Variants in CD86 observed in about 807,000 individuals in gnomAD.
CD86 encodes the protein T-lymphocyte activation antigen CD86.
CD86 carries 11 observed loss-of-function variants against 32.1 expected under a neutral mutation model. The ratio of observed to expected loss-of-function variants is 0.34; its 90% CI spans 0.22 to 0.57. CD86 has a LOEUF of 0.57. Ranked by LOEUF, CD86 falls within the 20% of genes least tolerant of loss-of-function variation. CD86 has a pLI of 0.86. For synonymous variants in CD86, 137 were observed against 135.3 expected (o/e 1.01, Z -0.09); for missense variants, 359 against 398.4 (o/e 0.90, Z 0.84).
chr3:122,118,622 T>C (rs1339840172), intron 6 of CD86, among the ~76,000 whole-genome samples: 2 of 152,232 alleles, frequency 1.3e-5, no homozygotes, highest in African/African-American at 4.8e-5. Flanking sequence ...TGTTACAGTG[T>C]CATGTGGATC....
At chr3:122,081,617 G>GTTT (rs1382458947) in intron 1 of CD86, among the ~76,000 whole-genome samples, 1 of 152,236 alleles carries the variant, frequency 6.6e-6, no homozygotes. Flanking sequence ...GGAAGACAGC[G>GTTT]TTTCTCAGAG....
rs113272437 is a variant in CD86 at position 122,064,082 on chromosome 3, G to A, written c.14+8579G>A. Among the ~76,000 whole-genome samples the A allele has an allele frequency of 2.5e-3, 381 of 152,066 alleles. 2 individuals carry two copies. The highest frequency in any genetic ancestry group is 8.7e-3 in the African/African-American group (361 of 41,482). On this transcript the variant is annotated intron_variant, in intron 1 of 6. Transcript: ENST00000330540. ...AGCCAAACAAGAGAGAAAGGGGAAG[G>A]GAAAGTGTCTTTTCACAGGCAGCTT...
chr3:122,062,364 C>T (rs2072351253), intron 1 of CD86, among the ~76,000 whole-genome samples: 1 of 152,174 alleles, frequency 6.6e-6, no homozygotes, highest in Admixed American at 6.5e-5. Context: ...ATTCTGGGCA[C>T]TGCCAATTTC....
intron 1 of CD86, among the ~76,000 whole-genome samples, chr3:122,079,536 A>G (rs1378825844): frequency 1.3e-5 from 2 of 152,218 alleles, no homozygotes; most frequent in African/African-American, 2.4e-5. Flanking sequence ...ATTTTTCCAC[A>G]GTCCATTCTA....
At chr3:122,110,602 A>G (rs931754565) in intron 5 of CD86, among the ~76,000 whole-genome samples, 2 of 152,242 alleles carry the variant, frequency 1.3e-5, no homozygotes, top group African/African-American at 4.8e-5. Context: ...GTACTTTAAA[A>G]ATAAGAAATT....
At chr3:122,087,373 C>T (rs2072740715) in intron 1 of CD86, among the ~76,000 whole-genome samples, 1 of 152,138 alleles carries the variant, frequency 6.6e-6, no homozygotes, top group South Asian at 2.1e-4. Context: ...ACTTTACAGG[C>T]CCACTGGAGA....
At chr3:122,081,204 C>A (rs753135737) in intron 1 of CD86, among the ~76,000 whole-genome samples, 6 of 152,186 alleles carry the variant, frequency 3.9e-5, no homozygotes, top group Admixed American at 3.9e-4. Context: ...CAAAGACAAC[C>A]TCTGCTGCAG....
At chr3:122,092,880 C>T (rs150122124) in intron 2 of CD86, among the ~76,000 whole-genome samples, 1,970 of 152,312 alleles carry the variant, frequency 0.013, 77 homozygotes, top group Admixed American at 0.066. Flanking sequence ...GAGATGGTCC[C>T]TCAGATCCAT....
At chr3:122,085,291 CCTT>C (rs918395239) in intron 1 of CD86, among the ~76,000 whole-genome samples, 6 of 152,250 alleles carry the variant, frequency 3.9e-5, no homozygotes, top group African/African-American at 1.4e-4. Context: ...TTCCCAGTAA[CCTT>C]CTTATTTTGT....
At chr3:122,100,334 T>C (rs1397267111) in intron 2 of CD86, among the ~76,000 whole-genome samples, 1 of 152,144 alleles carries the variant, frequency 6.6e-6, no homozygotes, top group Non-Finnish European at 1.5e-5. Flanking sequence ...AAACAGTAGC[T>C]GGGGCTGGAG....
At chr3:122,109,968 T>TA (rs1400822710) in intron 5 of CD86, among the ~76,000 whole-genome samples, 2 of 152,190 alleles carry the variant, frequency 1.3e-5, no homozygotes, top group Non-Finnish European at 2.9e-5. Context: ...ACTCCACTAA[T>TA]AAGAAAAAAT....
At chr3:122,087,091 C>T (rs1045623629) in intron 1 of CD86, among the ~76,000 whole-genome samples, 2 of 152,106 alleles carry the variant, frequency 1.3e-5, no homozygotes, top group African/African-American at 2.4e-5. Context: ...ATCATTTAGC[C>T]AACTCTTATT....
chr3:122,111,193 A>G (rs2073166356), intron 5 of CD86, among the ~76,000 whole-genome samples: 1 of 152,208 alleles, frequency 6.6e-6, no homozygotes, highest in Non-Finnish European at 1.5e-5. Context: ...TCAAAGAGAG[A>G]AGCCTTGCTA....
In CD86 at chr3:122,120,957, A is replaced by G. The variant is rs150211400; in HGVS notation, c.*1423A>G. 1.3e-5 allele frequency: 2 copies of G among 152,334 alleles called. No individual in the cohort carries two copies. The highest frequency in any genetic ancestry group is 2.4e-5 in the African/African-American group (1 of 41,578). 9.4% of individuals were successfully genotyped at this position (152,334 alleles called of 1,614,324 possible). ...AGAACTCTGGGGAGCCTGAGCCACA[A>G]AAATGTTCCTTTATTTTATGTAAAC... is the stretch of plus-strand genomic sequence containing the variant. On this transcript the variant is annotated 3_prime_UTR_variant, in exon 7 of 7. Coordinates refer to ENST00000330540, the MANE Select transcript of CD86 (RefSeq NM_175862.5).
intron 5 of CD86, among the ~76,000 whole-genome samples, chr3:122,111,851 G>C (rs1218582509): frequency 6.6e-6 from 1 of 152,094 alleles, no homozygotes; most frequent in Non-Finnish European, 1.5e-5. Flanking sequence ...AGAGGAGACG[G>C]TCCTCAAACT....
intron 2 of CD86, among the ~76,000 whole-genome samples, chr3:122,101,845 A>C (rs925677987): frequency 3.9e-5 from 6 of 152,022 alleles, no homozygotes; most frequent in African/African-American, 1.2e-4. Flanking sequence ...AAACACACTA[A>C]ATCTTCCTTA....
intron 6 of CD86, among the ~76,000 whole-genome samples, chr3:122,118,591 C>T (rs1197219771): frequency 6.6e-6 from 1 of 152,214 alleles, no homozygotes; most frequent in African/African-American, 2.4e-5. Flanking sequence ...AAACCCTTTC[C>T]CAAACTAGAA....
At chr3:122,084,303 T>G (rs1043620905) in intron 1 of CD86, among the ~76,000 whole-genome samples, 1 of 152,210 alleles carries the variant, frequency 6.6e-6, no homozygotes, top group East Asian at 1.9e-4. Context: ...ATATTCTTAC[T>G]GGACAGTGCT....
At chr3:122,055,528 C>A (rs1379243773) in intron 1 of CD86, 25 bp downstream of exon 1, 1 of 1,612,344 alleles carries the variant, frequency 6.2e-7, no homozygotes, top group African/African-American at 1.3e-5. Flanking sequence ...TTATTCTTTG[C>A]AGAGAAGTTA....
Sources: allele counts gnomAD v4.1 joint callset (sites outside exome capture counted in the v4.1 genomes callset), GRCh38; gene constraint gnomAD v4.1.1; transcripts MANE v1.5; gene names NCBI Gene and HGNC (gene_info 2026-07-23, HGNC 2026-07-21).